The following HOXD13 variants were observed in gnomAD, a reference collection of about 807,000 sequenced individuals.
HOXD13 encodes homeobox D13, also known as homeobox protein Hox-D13.
In HOXD13, 16 loss-of-function variants were observed where a neutral mutation model predicts 27.3. That is an observed-to-expected ratio of 0.59 (90% CI 0.40 to 0.89). The LOEUF (loss-of-function observed/expected upper bound fraction) is 0.89. Ranked by LOEUF, HOXD13 falls within the 40% of genes least tolerant of loss-of-function variation. The pLI is 0.00. For missense variants in HOXD13, 481 were observed against 482.6 expected (o/e 1.00, Z 0.03); for synonymous variants, 241 against 219.0 (o/e 1.10, Z -0.89).
upstream of HOXD13, among the ~76,000 whole-genome samples, chr2:176,088,601 TG>T: frequency 6.6e-6 from 1 of 152,308 alleles, no homozygotes; most frequent in South Asian, 2.1e-4. Flanking sequence ...TTCATCCCTT[TG>T]CCCTGCCGGT....
chr2:176,094,585 C>G lies in HOXD13; in HGVS notation c.887C>G (p.Ala296Gly), dbSNP rs1689383341. ...LQLKELENEY[A>G]INKFINKDKR... Reference sequence around the variant, plus strand: ...CTTAAAGAACTGGAGAACGAGTATGCCATTAACAAATTCATTAACAAGGAC... The same window carrying G: ...CTTAAAGAACTGGAGAACGAGTATGGCATTAACAAATTCATTAACAAGGAC... Residue 296 changes from alanine to glycine, a missense_variant, in exon 2 of 2, where the codon GCC becomes GGC. By Grantham distance (60) the Ala-to-Gly change is moderately conservative. Transcript: ENST00000392539. The G allele has an allele frequency of 6.2e-7, 1 of 1,613,960 alleles. No individual in the cohort carries two copies. The highest frequency in any genetic ancestry group is 8.5e-7 in the Non-Finnish European group (1 of 1,179,886).
chr2:176,094,555 T>C lies in HOXD13; in HGVS notation c.857T>C (p.Leu286Pro). 6.2e-7 allele frequency: 1 copy of C among 1,614,038 alleles called. No individual in the cohort carries two copies. Among genetic ancestry groups the C allele is most frequent in the Non-Finnish European group, 8.5e-7 (1 of 1,179,936 alleles). The change falls in exon 2 of 2, where the codon CTG becomes CCG. Residue 286 changes from leucine to proline, a missense_variant. Leu to Pro is a moderately conservative substitution (Grantham distance 98). Coordinates refer to ENST00000392539, the MANE Select transcript of HOXD13 (RefSeq NM_000523.4). ...AAGAAGAGAGTGCCTTACACCAAAC[T>C]GCAGCTTAAAGAACTGGAGAACGAG... is the stretch of plus-strand genomic sequence containing the variant. ...GRKKRVPYTKLQLKELENEYA... is the reference protein window; with the variant it reads ...GRKKRVPYTKPQLKELENEYA...
Position 176,093,200 on chromosome 2 carries a change from G to A in HOXD13, c.310G>A (p.Ala104Thr), listed in dbSNP as rs780480581. The A allele has an allele frequency of 1.2e-6, 2 of 1,608,626 alleles. No individual in the cohort carries two copies. The highest frequency in any genetic ancestry group is 2.2e-5 in the South Asian group (2 of 91,032). ...AGCGGCGCGCCCGGAGGCTCCCCCAGCCAAAGAGTGCCCAGCACCCACGCC... is the reference window on the plus strand; with the variant it reads ...AGCGGCGCGCCCGGAGGCTCCCCCAACCAAAGAGTGCCCAGCACCCACGCC... ...VVAARPEAPP[A>T]KECPAPTPAA... is the part of the protein sequence containing the mutation. The change falls in exon 1 of 2, where the codon GCC becomes ACC. Residue 104 changes from alanine to threonine, a missense_variant. Physicochemically the swap from Ala to Thr is moderately conservative, Grantham distance 58. Coordinates refer to ENST00000392539, the MANE Select transcript of HOXD13 (RefSeq NM_000523.4).
chr2:176,091,998 ACTTTTCTT>A (rs1197977549), upstream of HOXD13, among the ~76,000 whole-genome samples: 13 of 151,816 alleles, frequency 8.6e-5, no homozygotes, highest in Non-Finnish European at 1.3e-4. Context: ...GCATCCATGG[ACTTTTCTT>A]TCTGGGACAG....
Position 176,093,339 on chromosome 2 carries a change from C to A in HOXD13, c.449C>A (p.Ala150Glu), listed in dbSNP as rs1018548542. Reference sequence around the variant, plus strand: ...CACGGCGTGGGCTTACAGCAGAATGCGCTCAAGTCATCGCCGCACGCCTCG... The same window carrying A: ...CACGGCGTGGGCTTACAGCAGAATGAGCTCAAGTCATCGCCGCACGCCTCG... ...MSHGVGLQQN[A>E]LKSSPHASLG... Residue 150 changes from alanine to glutamate, a missense_variant, in exon 1 of 2, where the codon GCG (alanine) becomes GAG (glutamate). Ala to Glu is a moderately radical substitution (Grantham distance 107). Coordinates refer to ENST00000392539, the MANE Select transcript of HOXD13 (RefSeq NM_000523.4). 6.2e-7 allele frequency: 1 copy of A among 1,613,474 alleles called. No homozygotes were observed. Among genetic ancestry groups the A allele is most frequent in the Non-Finnish European group, 8.5e-7 (1 of 1,180,008 alleles).
intron 1 of HOXD13, 106 bp downstream of exon 1, chr2:176,093,777 G>C: frequency 1.4e-6 from 1 of 732,338 alleles, no homozygotes; most frequent in Non-Finnish European, 2.2e-6. Flanking sequence ...AGTTGTGCCT[G>C]TGCTCCACAC....
chr2:176,089,699 G>T (rs962352124), upstream of HOXD13, among the ~76,000 whole-genome samples: 18 of 152,340 alleles, frequency 1.2e-4, no homozygotes, highest in East Asian at 3.5e-3. Flanking sequence ...GCTTAAAAAG[G>T]ATGCCTCTGG....
chr2:176,087,952 G>A (rs1212190854), upstream of HOXD13, among the ~76,000 whole-genome samples: 2 of 152,278 alleles, frequency 1.3e-5, no homozygotes, highest in East Asian at 3.8e-4. Flanking sequence ...ATGACTGCAG[G>A]TAATAAAAAT....
upstream of HOXD13, among the ~76,000 whole-genome samples, chr2:176,088,843 T>C (rs1438968818): frequency 6.6e-6 from 1 of 152,180 alleles, no homozygotes; most frequent in African/African-American, 2.4e-5. Flanking sequence ...AGGCAACAAG[T>C]TACTCTGGGC....
Position 176,093,202 on chromosome 2 carries a change from C to G in HOXD13, c.312C>G (p.Ala104=). 6.2e-7 allele frequency: 1 copy of G among 1,609,128 alleles called. No homozygotes were observed. Among genetic ancestry groups the G allele is most frequent in the South Asian group, 1.1e-5 (1 of 91,036 alleles). The change falls in exon 1 of 2, where the codon GCC becomes GCG. Residue 104 remains alanine, a synonymous_variant. Transcript: ENST00000392539. ...VVAARPEAPP[A]KECPAPTPAA... is the part of the protein sequence containing the mutation. ...CGGCGCGCCCGGAGGCTCCCCCAGC[C>G]AAAGAGTGCCCAGCACCCACGCCTG...
At chr2:176,089,975 A>C (rs1236468290), upstream of HOXD13, among the ~76,000 whole-genome samples, 2 of 152,238 alleles carry the variant, frequency 1.3e-5, no homozygotes, top group Non-Finnish European at 2.9e-5. Context: ...ACTGATTCCC[A>C]GTAAGTTTAA....
rs1438927019 is a variant in HOXD13 at position 176,095,435 on chromosome 2, T to C, written c.*705T>C. On this transcript the variant is annotated 3_prime_UTR_variant, in exon 2 of 2. Transcript: ENST00000392539. Reference sequence around the variant, plus strand: ...GGTTTGTGTTTTCATAATCTTTAATTTGAAACTCATGTGTCCTCATGGATC... The same window carrying C: ...GGTTTGTGTTTTCATAATCTTTAATCTGAAACTCATGTGTCCTCATGGATC... The C allele has an allele frequency of 8.7e-6, 2 of 230,088 alleles. No individual in the cohort carries two copies. Among genetic ancestry groups the C allele is most frequent in the Non-Finnish European group, 1.7e-5 (2 of 115,958 alleles). The allele number at this position is 230,088 out of a possible 1,614,324, so 14.3% of individuals were successfully genotyped here.
In HOXD13 at chr2:176,093,379, C is replaced by A. The variant is rs762569134; in HGVS notation, c.489C>A (p.Pro163=). 12 of 1,613,954 alleles carry A rather than the reference C, an allele frequency of 7.4e-6. No individual in the cohort carries two copies. The highest frequency in any genetic ancestry group is 1.0e-5 in the Non-Finnish European group (12 of 1,180,040). The change falls in exon 1 of 2, where the codon CCC becomes CCA. Residue 163 remains proline, a synonymous_variant. Coordinates refer to ENST00000392539, the MANE Select transcript of HOXD13 (RefSeq NM_000523.4). Reference sequence around the variant, plus strand: ...CGCACGCCTCGCTGGGAGGCTTTCCCGTGGAGAAGTACATGGACGTGTCAG... The same window carrying A: ...CGCACGCCTCGCTGGGAGGCTTTCCAGTGGAGAAGTACATGGACGTGTCAG... ...SSPHASLGGF[P]VEKYMDVSGL...
Position 176,093,096 on chromosome 2 carries a change from C to T in HOXD13, c.206C>T (p.Ala69Val), listed in dbSNP as rs1415274879. The change falls in exon 1 of 2, where the codon GCG (alanine) becomes GTG (valine). Residue 69 changes from alanine (A) to valine (V), a missense_variant. Ala to Val is a moderately conservative substitution (Grantham distance 64, BLOSUM62 0). Coordinates refer to ENST00000392539, the MANE Select transcript of HOXD13 (RefSeq NM_000523.4). ...GCAGCGGCGGCTGCGGCGGCGGCGG[C>T]GGCAGCCTCCGGCTTTGCGTACCCC... ...AAAAAAAAAA[A>V]AASGFAYPGT... 2.8e-6 allele frequency: 4 copies of T among 1,440,124 alleles called. No homozygotes were observed. Among genetic ancestry groups the T allele is most frequent in the South Asian group, 1.5e-5 (1 of 65,188 alleles). The allele number at this position is 1,440,124 out of a possible 1,614,324, so 89.2% of individuals were successfully genotyped here. A position where few individuals can be genotyped will look rare whatever the true frequency, so the allele number is the denominator to read the frequency against.
Position 176,094,583 on chromosome 2 carries a change from T to C in HOXD13, c.885T>C (p.Tyr295=). Residue 295 remains tyrosine, a synonymous_variant, in exon 2 of 2, where the codon TAT becomes TAC. Transcript: ENST00000392539. ...KLQLKELENE[Y]AINKFINKDK... ...AGCTTAAAGAACTGGAGAACGAGTA[T>C]GCCATTAACAAATTCATTAACAAGG... is the stretch of plus-strand genomic sequence containing the variant. 2 of 1,614,126 alleles carry C rather than the reference T, an allele frequency of 1.2e-6. No individual in the cohort carries two copies. The highest frequency in any genetic ancestry group is 1.7e-6 in the Non-Finnish European group (2 of 1,179,990).
In HOXD13 at chr2:176,093,431, A is replaced by G. The variant is rs148979353; in HGVS notation, c.541A>G (p.Asn181Asp). Residue 181 changes from asparagine to aspartate, a missense_variant, in exon 1 of 2, where the codon AAC becomes GAC. By Grantham distance (23) the Asn-to-Asp change is conservative (BLOSUM62 1). Coordinates refer to ENST00000392539, the MANE Select transcript of HOXD13 (RefSeq NM_000523.4). ...SGLASSSVPA[N>D]EVPARAKEVS... is the part of the protein sequence containing the mutation. The stretch of plus-strand genomic sequence containing the variant: ...CCTGGCGAGCAGCAGCGTACCGGCC[A>G]ACGAGGTGCCAGCGCGAGCCAAGGA... 220 of 1,613,972 alleles carry G rather than the reference A, an allele frequency of 1.4e-4. No homozygotes were observed. In the African/African-American group the frequency reaches 2.7e-3, roughly 20 times the overall value.
At position 176,092,886 on chromosome 2, in the gene HOXD13, G is replaced by C; in HGVS notation, c.-5G>C. 2 of 1,255,332 alleles carry C rather than the reference G, an allele frequency of 1.6e-6. No homozygotes were observed. Among genetic ancestry groups the C allele is most frequent in the Admixed American group, 4.3e-5 (1 of 23,478 alleles). 77.8% of individuals were successfully genotyped at this position (1,255,332 alleles called of 1,614,324 possible). ...GCCAGGGCCGGGGCCGGGCCAGGCCGGGCCATGAGCCGCGCCGGGAGCTGG... is the reference window on the plus strand; with the variant it reads ...GCCAGGGCCGGGGCCGGGCCAGGCCCGGCCATGAGCCGCGCCGGGAGCTGG... On this transcript the variant is annotated 5_prime_UTR_variant, in exon 1 of 2. Coordinates refer to ENST00000392539, the MANE Select transcript of HOXD13 (RefSeq NM_000523.4).
rs1689386358 is a variant in HOXD13 at position 176,094,717 on chromosome 2, A to G, written c.1019A>G (p.Asp340Gly). The G allele has an allele frequency of 6.2e-7, 1 of 1,614,006 alleles. No individual in the cohort carries two copies. Among genetic ancestry groups the G allele is most frequent in the Non-Finnish European group, 8.5e-7 (1 of 1,179,978 alleles). ...KDKKIVSKLKDTVS is the reference protein window; with the variant it reads ...KDKKIVSKLKGTVS ...AAGAAAATTGTCTCCAAGCTCAAAG[A>G]TACTGTCTCCTGATGTGGTCCAGGT... is the stretch of plus-strand genomic sequence containing the variant. The change falls in exon 2 of 2, where the codon GAT (aspartate) becomes GGT (glycine). Residue 340 changes from aspartate to glycine, a missense_variant. Transcript: ENST00000392539.
chr2:176,094,653 C>A lies in HOXD13; in HGVS notation c.955C>A (p.Gln319Lys). 2.5e-6 allele frequency: 4 copies of A among 1,613,672 alleles called. No individual in the cohort carries two copies. Among genetic ancestry groups the A allele is most frequent in the Non-Finnish European group, 3.4e-6 (4 of 1,179,602 alleles). ...GGCTGCTACGAACCTATCTGAGAGACAAGTGACCATTTGGTTTCAGAACCG... is the reference window on the plus strand; with the variant it reads ...GGCTGCTACGAACCTATCTGAGAGAAAAGTGACCATTTGGTTTCAGAACCG... ...ISAATNLSER[Q>K]VTIWFQNRRV... Residue 319 changes from glutamine to lysine, a missense_variant, in exon 2 of 2, where the codon CAA becomes AAA. Physicochemically the swap from Gln to Lys is moderately conservative, Grantham distance 53 (BLOSUM62 1). Coordinates refer to ENST00000392539, the MANE Select transcript of HOXD13 (RefSeq NM_000523.4).
Sources: allele counts gnomAD v4.1 joint callset (sites outside exome capture counted in the v4.1 genomes callset), GRCh38; gene constraint gnomAD v4.1.1; transcripts MANE v1.5; gene names NCBI Gene and HGNC (gene_info 2026-07-23, HGNC 2026-07-21).